Variants in RTF2 observed in about 807,000 individuals in gnomAD.
RTF2 encodes UPF0549 protein C20orf43.
Under a neutral mutation model 38.0 loss-of-function variants are expected in RTF2, and 18 were observed. The ratio of observed to expected loss-of-function variants is 0.47; its 90% CI spans 0.33 to 0.70. RTF2 has a LOEUF of 0.70. RTF2 is among the 30% of genes least tolerant of loss of function. The pLI is 0.02. For missense variants in RTF2, 311 were observed against 379.6 expected (o/e 0.82, Z 1.50); for synonymous variants, 126 against 137.1 (o/e 0.92, Z 0.57).
chr20:56,477,740 AT>A (rs1398440620), intron 4 of RTF2, among the ~76,000 whole-genome samples: 1 of 152,118 alleles, frequency 6.6e-6, no homozygotes, highest in Non-Finnish European at 1.5e-5. Flanking sequence ...CTGGATTCAA[AT>A]TCCTGGCCTT....
chr20:56,483,982 C>T (rs1040617929), intron 4 of RTF2, 129 bp from the exon 5 acceptor site: 1 of 620,034 alleles, frequency 1.6e-6, no homozygotes, highest in South Asian at 2.7e-5. Flanking sequence ...TGAGAACGTA[C>T]TGATTTTTTT....
intron 5 of RTF2, among the ~76,000 whole-genome samples, chr20:56,509,611 C>CAAAAAAA (rs567362731): frequency 9.4e-6 from 1 of 106,028 alleles, no homozygotes; most frequent in Non-Finnish European, 1.9e-5. Flanking sequence ...GATCCCATCT[C>CAAAAAAA]AAAAAAAAAA....
At chr20:56,485,336 G>A (rs895158911) in intron 5 of RTF2, among the ~76,000 whole-genome samples, 1 of 152,188 alleles carries the variant, frequency 6.6e-6, no homozygotes, top group African/African-American at 2.4e-5. Flanking sequence ...CGAGTTCAGT[G>A]AACAGAAAGT....
chr20:56,507,900 T>G (rs1050350774), intron 5 of RTF2, among the ~76,000 whole-genome samples: 1 of 152,110 alleles, frequency 6.6e-6, no homozygotes, highest in Admixed American at 6.5e-5. Flanking sequence ...TACTCAGACC[T>G]CCCATAGCGT....
chr20:56,468,727 G>T lies in RTF2; in HGVS notation c.30G>T (p.Lys10Asn). The change falls in exon 1 of 9, where the codon AAG (lysine) becomes AAT (asparagine). Residue 10 changes from lysine (K) to asparagine (N), a missense_variant. Physicochemically the swap from Lys to Asn is moderately conservative, Grantham distance 94 (BLOSUM62 0). Coordinates refer to ENST00000357348, the MANE Select transcript of RTF2 (RefSeq NM_016407.5). ...GTTGCGACGGGGGAACAATCCCCAAGAGGCATGAACTGGTGAAGGGGCCGA... is the reference window on the plus strand; with the variant it reads ...GTTGCGACGGGGGAACAATCCCCAATAGGCATGAACTGGTGAAGGGGCCGA... MGCDGGTIP[K>N]RHELVKGPKK... 6.3e-7 allele frequency: 1 copy of T among 1,590,638 alleles called. No homozygotes were observed. The highest frequency in any genetic ancestry group is 8.6e-7 in the Non-Finnish European group (1 of 1,168,716).
At chr20:56,472,669 C>CT (rs998426711) in intron 1 of RTF2, among the ~76,000 whole-genome samples, 122 of 149,926 alleles carry the variant, frequency 8.1e-4, no homozygotes, top group South Asian at 2.8e-3. Context: ...ATCTAACACA[C>CT]TTTTTTTTTT....
At chr20:56,482,416 A>C (rs557852201) in intron 4 of RTF2, among the ~76,000 whole-genome samples, 21 of 152,394 alleles carry the variant, frequency 1.4e-4, no homozygotes, top group African/African-American at 5.0e-4. Context: ...GTGCATGTTC[A>C]ATATAAATGC....
intron 4 of RTF2, among the ~76,000 whole-genome samples, chr20:56,482,298 T>C (rs1286999577): frequency 6.6e-6 from 1 of 152,256 alleles, no homozygotes; most frequent in Non-Finnish European, 1.5e-5. Context: ...CACATCCTCC[T>C]GTATACTTTA....
intron 4 of RTF2, 149 bp from the exon 5 acceptor site, chr20:56,483,962 C>A: frequency 2.0e-6 from 1 of 503,748 alleles, no homozygotes; most frequent in Non-Finnish European, 3.5e-6. Context: ...TTTTTCCTGC[C>A]CCTTTTCTAT....
intron 2 of RTF2, 57 bp downstream of exon 2, chr20:56,473,452 T>C: frequency 8.0e-7 from 1 of 1,254,188 alleles, no homozygotes; most frequent in Non-Finnish European, 1.2e-6. Context: ...AGAATTTTGA[T>C]GTGTAAATGC....
chr20:56,470,515 G>A (rs1443772052), intron 1 of RTF2: 2 of 449,234 alleles, frequency 4.5e-6, no homozygotes, highest in Non-Finnish European at 9.0e-6. Flanking sequence ...GATCAATATT[G>A]TGAAATCTGC....
chr20:56,515,329 T>C (rs570755268), intron 6 of RTF2, among the ~76,000 whole-genome samples: 1 of 152,142 alleles, frequency 6.6e-6, no homozygotes, highest in Admixed American at 6.5e-5. Context: ...CCCAGCACTT[T>C]GGGAGGCCGA....
chr20:56,510,832 C>CAGGAGGATGAGGT (rs980925916), intron 5 of RTF2, among the ~76,000 whole-genome samples: 2 of 152,104 alleles, frequency 1.3e-5, no homozygotes, highest in Non-Finnish European at 2.9e-5. Context: ...CCTAGCTACT[C>CAGGAGGATGAGGT]AGGAGGATGA....
intron 5 of RTF2, among the ~76,000 whole-genome samples, chr20:56,485,812 C>T (rs1171719980): frequency 6.6e-6 from 1 of 152,228 alleles, no homozygotes; most frequent in Admixed American, 6.5e-5. Context: ...GACATGGTTC[C>T]TGCACTCACG....
At chr20:56,514,287 T>A (rs1254113068) in intron 6 of RTF2, 1 of 152,058 alleles carries the variant, frequency 6.6e-6, no homozygotes, top group Non-Finnish European at 1.5e-5. Flanking sequence ...TAAATGTTGT[T>A]CATGTTTACA....
At chr20:56,468,985 A>T (rs939532053) in intron 1 of RTF2, among the ~76,000 whole-genome samples, 2 of 152,212 alleles carry the variant, frequency 1.3e-5, no homozygotes, top group Non-Finnish European at 2.9e-5. Flanking sequence ...AACAGGGGGT[A>T]TCTCATGTAA....
At chr20:56,508,254 T>C (rs922019329) in intron 5 of RTF2, among the ~76,000 whole-genome samples, 1 of 152,214 alleles carries the variant, frequency 6.6e-6, no homozygotes, top group African/African-American at 2.4e-5. Flanking sequence ...TGGTATCTTC[T>C]GTGCATTTGG....
rs544077231 is a variant in RTF2, at chr20:56,506,792, C to T, written c.478-6523C>T. ...CTCGGCTCACTGCAAGCTCCGCCTC[C>T]CAGCTTCACGCCATTCTCCTGCCTC... On this transcript the variant is annotated intron_variant, in intron 5 of 8. Transcript: ENST00000357348. 5.5e-4 allele frequency among the ~76,000 whole-genome samples: 84 copies of T among 152,214 alleles called. 1 individual carries two copies. In the East Asian group the frequency reaches 0.016, roughly 29 times the overall value.
intron 5 of RTF2, among the ~76,000 whole-genome samples, chr20:56,512,585 C>A (rs1029674396): frequency 5.9e-5 from 9 of 152,176 alleles, no homozygotes; most frequent in Admixed American, 3.9e-4. Context: ...ATGGTCTAGA[C>A]CCTGCTCGCA....
Sources: allele counts gnomAD v4.1 joint callset (sites outside exome capture counted in the v4.1 genomes callset), GRCh38; gene constraint gnomAD v4.1.1; transcripts MANE v1.5; gene names NCBI Gene and HGNC (gene_info 2026-07-23, HGNC 2026-07-21).